Variants in MEGF8 observed in about 807,000 individuals in gnomAD.
The protein encoded by MEGF8 is multiple epidermal growth factor-like domains protein 8.
Under a neutral mutation model 302.9 loss-of-function variants are expected in MEGF8, and 156 were observed. That is an observed-to-expected ratio of 0.52 (90% CI 0.45 to 0.59). The LOEUF is 0.59. MEGF8 is among the 20% of genes least tolerant of loss of function. The pLI, the probability that MEGF8 is intolerant of heterozygous loss-of-function variation, is 0.00. For missense variants in MEGF8, 3,345 were observed against 3,964.5 expected, an observed-to-expected ratio of 0.84 and a Z score of 4.20; for synonymous variants, 1,621 against 1,660.5, an observed-to-expected ratio of 0.98 and a Z score of 0.58.
chr19:42,357,614 C>G lies in MEGF8; in HGVS notation c.5011+30C>G. 1.9e-6 allele frequency: 3 copies of G among 1,552,284 alleles called. No homozygotes were observed. Among genetic ancestry groups the G allele is most frequent in the Non-Finnish European group, 2.6e-6 (3 of 1,149,782 alleles). ...GGCTGGGGACCGGGAGGGGACAGCC[C>G]CCGTGGACCTCCCGGGCATCTGGGC... On this transcript the variant is annotated intron_variant, in intron 28 of 41. Transcript: ENST00000251268. The surrounding 1 kb of genome is among the most constrained non-coding windows in gnomAD (Gnocchi z 5.2).
rs977983077 is a variant in MEGF8, at chr19:42,338,503, A to G, written c.1513+1297A>G. ...GTGATCCGCCCACCTCGGCCTCCCA[A>G]AGTGCTGCGATTACAGGCGTGAGCC... On this transcript the variant is annotated intron_variant, in intron 8 of 41. Transcript: ENST00000251268. Among the ~76,000 whole-genome samples, 6 of 152,282 alleles carry G rather than the reference A, an allele frequency of 3.9e-5. No individual in the cohort carries two copies. The East Asian group carries it at 7.7e-4, about 20-fold the overall frequency.
Position 42,358,751 on chromosome 19 carries a change from G to A in MEGF8, c.5176-36G>A. The stretch of plus-strand genomic sequence containing the variant: ...AGGGGGCTAGAAGCAAGAGACTCGA[G>A]GAGCCTCAACCCCAGGACGCCCCCA... On this transcript the variant is annotated intron_variant, in intron 29 of 41. Coordinates refer to ENST00000251268, the MANE Select transcript of MEGF8 (RefSeq NM_001271938.2). This position sits in a 1 kb window ranked among gnomAD's most constrained non-coding sequence, Gnocchi z 4.4. 1.3e-6 allele frequency: 2 copies of A among 1,482,926 alleles called. No homozygotes were observed. Among genetic ancestry groups the A allele is most frequent in the Non-Finnish European group, 1.8e-6 (2 of 1,117,204 alleles). 91.9% of individuals were successfully genotyped at this position (1,482,926 alleles called of 1,614,324 possible). A position where few individuals can be genotyped will look rare whatever the true frequency, so the allele number is the denominator to read the frequency against.
chr19:42,333,151 G>A (rs1316240513), intron 1 of MEGF8, among the ~76,000 whole-genome samples: 12 of 152,304 alleles, frequency 7.9e-5, no homozygotes, highest in Non-Finnish European at 8.8e-5. Flanking sequence ...TATTCAGCGT[G>A]GGCCAGGGGT....
At chr19:42,340,053 G>A (rs569353412) in intron 8 of MEGF8, among the ~76,000 whole-genome samples, 63 of 151,952 alleles carry the variant, frequency 4.1e-4, no homozygotes, top group African/African-American at 1.3e-3. Context: ...GTGAGATTCC[G>A]TCCCCAAAAA....
At chr19:42,371,298 C>T (rs2039687468) in intron 40 of MEGF8, 52 bp from the exon 41 acceptor site, 2 of 1,601,284 alleles carry the variant, frequency 1.2e-6, no homozygotes, top group Admixed American at 1.7e-5. Flanking sequence ...GGGTGTCCAT[C>T]CTGGACCACT....
At chr19:42,338,533 T>C (rs2039164871) in intron 8 of MEGF8, among the ~76,000 whole-genome samples, 3 of 151,984 alleles carry the variant, frequency 2.0e-5, no homozygotes, top group Admixed American at 6.6e-5. Flanking sequence ...TGAGCCACTG[T>C]GCCCAGCCCC....
chr19:42,356,688 G>A lies in MEGF8; in HGVS notation c.4623-86G>A, dbSNP rs1399707439. ...CTGTCATAGGAAGGTCACCCCAGGGGATGCGGGGACATCTGTCAGGCAGGG... is the reference window on the plus strand; with the variant it reads ...CTGTCATAGGAAGGTCACCCCAGGGAATGCGGGGACATCTGTCAGGCAGGG... On this transcript the variant is annotated intron_variant, in intron 26 of 41. Coordinates refer to ENST00000251268, the MANE Select transcript of MEGF8 (RefSeq NM_001271938.2). This position sits in a 1 kb window ranked among gnomAD's most constrained non-coding sequence, Gnocchi z 5.2. The A allele has an allele frequency of 2.9e-6, 4 of 1,364,834 alleles. No homozygotes were observed. The highest frequency in any genetic ancestry group is 4.0e-6 in the Non-Finnish European group (4 of 1,004,292). The allele number at this position is 1,364,834 out of a possible 1,614,324, so 84.5% of individuals were successfully genotyped here.
Position 42,369,187 on chromosome 19 carries a change from G to T in MEGF8, c.6641+185G>T, listed in dbSNP as rs1463532209. On this transcript the variant is annotated intron_variant, in intron 37 of 41. Transcript: ENST00000251268. The surrounding 1 kb of genome is among the most constrained non-coding windows in gnomAD (Gnocchi z 5.7). ...GAGCAGGGAAGAGTGAGTTTCATAG[G>T]GTACCCCAATGGCCGGGCACAGTGG... 6.6e-6 allele frequency among the ~76,000 whole-genome samples: 1 copy of T among 152,140 alleles called. No individual in the cohort carries two copies. Among genetic ancestry groups the T allele is most frequent in the Non-Finnish European group, 1.5e-5 (1 of 68,002 alleles).
chr19:42,338,235 GT>G (rs557395356), intron 8 of MEGF8, among the ~76,000 whole-genome samples: 6 of 147,362 alleles, frequency 4.1e-5, no homozygotes, highest in East Asian at 2.0e-4. Flanking sequence ...CAACAGGTAG[GT>G]TTTTTTTTTG....
At chr19:42,365,217 A>G (rs1264277714) in intron 35 of MEGF8, among the ~76,000 whole-genome samples, 1 of 152,028 alleles carries the variant, frequency 6.6e-6, no homozygotes, top group Non-Finnish European at 1.5e-5. Context: ...TCCAGGGAGC[A>G]GAAGGCATAC....
At chr19:42,334,996 C>G in intron 3 of MEGF8, 39 bp from the exon 4 acceptor site, 1 of 1,571,892 alleles carries the variant, frequency 6.4e-7, no homozygotes, top group Non-Finnish European at 8.6e-7. Context: ...CCTTGTCTCT[C>G]CCTCTCTTAT....
chr19:42,364,007 G>C (rs2039569798), intron 35 of MEGF8, among the ~76,000 whole-genome samples: 1 of 152,190 alleles, frequency 6.6e-6, no homozygotes. Flanking sequence ...CTCTGACTTA[G>C]TGCACGAGCT....
chr19:42,355,129 G>A (rs576606779), intron 23 of MEGF8, among the ~76,000 whole-genome samples: 2 of 152,180 alleles, frequency 1.3e-5, no homozygotes, highest in African/African-American at 2.4e-5. Flanking sequence ...GCTAATTTTT[G>A]TATTTTTAGT....
chr19:42,334,083 C>T lies in MEGF8; in HGVS notation c.428C>T (p.Pro143Leu), dbSNP rs765654107. 14 of 1,613,418 alleles carry T rather than the reference C, an allele frequency of 8.7e-6. No homozygotes were observed. The highest frequency in any genetic ancestry group is 2.7e-5 in the African/African-American group (2 of 74,918). ...FNASFRFSLCPGGCQSHGQCQ... is the reference protein window; with the variant it reads ...FNASFRFSLCLGGCQSHGQCQ... ...GCCTCATTCCGCTTCTCCCTGTGCCCGGGTGGCTGCCAGAGCCACGGGCAG... is the reference window on the plus strand; with the variant it reads ...GCCTCATTCCGCTTCTCCCTGTGCCTGGGTGGCTGCCAGAGCCACGGGCAG... Residue 143 changes from proline to leucine, a missense_variant, in exon 3 of 42, where the codon CCG becomes CTG. Physicochemically the swap from Pro to Leu is moderately conservative, Grantham distance 98. Coordinates refer to ENST00000251268, the MANE Select transcript of MEGF8 (RefSeq NM_001271938.2).
rs368247409 is a variant in MEGF8 at position 42,351,250 on chromosome 19, G to A, written c.2771G>A (p.Arg924His). 1.9e-5 allele frequency: 30 copies of A among 1,569,670 alleles called. No individual in the cohort carries two copies. The highest frequency in any genetic ancestry group is 4.7e-5 in the East Asian group (2 of 42,734). The change falls in exon 16 of 42, where the codon CGC becomes CAC. Residue 924 changes from arginine to histidine, a missense_variant. Transcript: ENST00000251268. This position sits in a 1 kb window ranked among gnomAD's most constrained non-coding sequence, Gnocchi z 5.6. ...PFCEWHQSTS[R>H]KGDAACSRRG... The stretch of plus-strand genomic sequence containing the variant: ...TGTGAGTGGCATCAGAGCACCAGCC[G>A]CAAAGGGGACGCGGCATGCAGCCGG...
At chr19:42,366,189 C>T (rs2039603438) in intron 35 of MEGF8, among the ~76,000 whole-genome samples, 1 of 152,170 alleles carries the variant, frequency 6.6e-6, no homozygotes, top group Admixed American at 6.6e-5. Context: ...TGATTCTAAC[C>T]ATCCCGCATT....
chr19:42,357,504 G>A lies in MEGF8; in HGVS notation c.4931G>A (p.Gly1644Asp). 2 of 1,613,732 alleles carry A rather than the reference G, an allele frequency of 1.2e-6. No individual in the cohort carries two copies. Among genetic ancestry groups the A allele is most frequent in the African/African-American group, 2.7e-5 (2 of 75,040 alleles). Reference protein sequence around the residue: ...LLVGGYSPENGFNQQLLEYQL... With the variant: ...LLVGGYSPENDFNQQLLEYQL... ...GTGGGCGGTTACTCCCCGGAAAATG[G>A]CTTCAACCAGCAGCTGCTGGAGTAC... Residue 1644 changes from glycine (G) to aspartate (D), a missense_variant, in exon 28 of 42, where the codon GGC (glycine) becomes GAC (aspartate). Coordinates refer to ENST00000251268, the MANE Select transcript of MEGF8 (RefSeq NM_001271938.2). The surrounding 1 kb of genome is among the most constrained non-coding windows in gnomAD (Gnocchi z 5.2).
Position 42,351,332 on chromosome 19 carries a change from C to T in MEGF8, c.2853C>T (p.Ser951=). Residue 951 remains serine, a splice_region_variant and synonymous_variant, in exon 16 of 42, where the codon AGC becomes AGT. Transcript: ENST00000251268. This position sits in a 1 kb window ranked among gnomAD's most constrained non-coding sequence, Gnocchi z 5.6. ...CAGAGGAGTGTCCCCCGCTCTGCAG[C>T]CAGTGAGTCAGGCTGGGTGCAGGGA... is the stretch of plus-strand genomic sequence containing the variant. ...KSPEECPPLC[S]QRLTCEDCLA... is the part of the protein sequence containing the mutation. 1 of 1,568,120 alleles carries T rather than the reference C, an allele frequency of 6.4e-7. No homozygotes were observed. The highest frequency in any genetic ancestry group is 8.7e-7 in the Non-Finnish European group (1 of 1,156,022).
At position 42,336,908 on chromosome 19, in the gene MEGF8, C is replaced by G. The variant is rs865933373; in HGVS notation, c.1346C>G (p.Ala449Gly). ...RDGLQGPRER[A>G]FHTASVLGNY... ...GGGCTTCAGGGCCCAAGGGAGCGAGCCTTCCACACAGCCAGTGTTCTGGGC... is the reference window on the plus strand; with the variant it reads ...GGGCTTCAGGGCCCAAGGGAGCGAGGCTTCCACACAGCCAGTGTTCTGGGC... The change falls in exon 7 of 42, where the codon GCC (alanine) becomes GGC (glycine). Residue 449 changes from alanine (A) to glycine (G), a missense_variant. By Grantham distance (60) the Ala-to-Gly change is moderately conservative. Coordinates refer to ENST00000251268, the MANE Select transcript of MEGF8 (RefSeq NM_001271938.2). The surrounding 1 kb of genome is among the most constrained non-coding windows in gnomAD (Gnocchi z 4.8). 6 of 1,613,752 alleles carry G rather than the reference C, an allele frequency of 3.7e-6. No homozygotes were observed. The highest frequency in any genetic ancestry group is 5.1e-6 in the Non-Finnish European group (6 of 1,179,788).
Sources: gnomAD v4.1 joint callset for allele counts (sites outside exome capture counted in the v4.1 genomes callset) on GRCh38, gnomAD v4.1.1 for gene constraint, Gnocchi (gnomAD v3.1) non-coding constraint, MANE v1.5 for transcripts, NCBI Gene and HGNC (gene_info 2026-07-23, HGNC 2026-07-21) for gene names.